GATD1: variants seen among roughly 807,000 people sequenced by gnomAD.
GATD1 encodes the protein glutamine amidotransferase class 1 domain containing 1, also known as glutamine amidotransferase-like class 1 domain-containing protein 1.
A neutral mutation model predicts 25.9 loss-of-function variants in GATD1; 23 were observed. The ratio of observed to expected loss-of-function variants is 0.89; its 90% CI spans 0.64 to 1.26. The LOEUF (loss-of-function observed/expected upper bound fraction) is 1.26, where lower values mean the gene tolerates loss of function less well. Among genes scored for constraint, GATD1 ranks in the 50% most tolerant of loss-of-function variants. The probability of loss-of-function intolerance (pLI) is 0.00; values close to 1 mark genes in which losing one functional copy is unlikely to be tolerated. For missense variants in GATD1, 347 were observed against 312.5 expected, an observed-to-expected ratio of 1.11 and a Z score of -0.83; for synonymous variants, 177 against 134.6, an observed-to-expected ratio of 1.31 and a Z score of -2.18.
At position 770,688 on chromosome 11, in the gene GATD1, T is replaced by G. The variant is rs1259684297; in HGVS notation, c.*209A>C. 2 of 1,427,422 alleles carry G rather than the reference T, an allele frequency of 1.4e-6. No homozygotes were observed. Among genetic ancestry groups the G allele is most frequent in the Non-Finnish European group, 1.8e-6 (2 of 1,094,658 alleles). The allele number at this position is 1,427,422 out of a possible 1,614,324, so 88.4% of individuals were successfully genotyped here. A position where few individuals can be genotyped will look rare whatever the true frequency, so the allele number is the denominator to read the frequency against. ...TTTCTCTGCCTCCTACCAGAGAACA[T>G]GCAGGAGGATGGGGGTTTGGACCCT... is the stretch of plus-strand genomic sequence containing the variant. On this transcript the variant is annotated 3_prime_UTR_variant, in exon 8 of 8. Transcript: ENST00000319863.
chr11:774,239 C>T, intron 2 of GATD1, 126 bp from the exon 3 acceptor site: 1 of 708,166 alleles, frequency 1.4e-6, no homozygotes, highest in Non-Finnish European at 2.3e-6. Flanking sequence ...CCCCCGACCA[C>T]CCAGCCTCCT....
rs927076848 is a variant in GATD1 at position 769,093 on chromosome 11, C to T, written c.*1804G>A. The stretch of plus-strand genomic sequence containing the variant: ...TCCAGCCTGGGTGACGAGAGACAAA[C>T]TCCATCTCAAAAAATAAATAAAATA... On this transcript the variant is annotated 3_prime_UTR_variant, in exon 8 of 8. Transcript: ENST00000319863. 20 of 946,152 alleles carry T rather than the reference C, an allele frequency of 2.1e-5. No individual in the cohort carries two copies. The African/African-American group carries it at 2.2e-4, about 10-fold the overall frequency. 58.6% of individuals were successfully genotyped at this position (946,152 alleles called of 1,614,324 possible).
intron 2 of GATD1, among the ~76,000 whole-genome samples, chr11:774,715 A>G (rs7952451): frequency 0.28 from 42,567 of 152,154 alleles, 6,981 homozygotes; most frequent in African/African-American, 0.47. Flanking sequence ...CTGTAATCCC[A>G]GCTACTCGGG....
intron 5 of GATD1, 105 bp downstream of exon 5, chr11:772,322 C>T (rs1590087988): frequency 2.6e-6 from 2 of 760,026 alleles, no homozygotes. Flanking sequence ...GCACAGCGTG[C>T]CTCGGCCTCC....
At chr11:774,964 T>C in intron 2 of GATD1, 102 bp downstream of exon 2, 1 of 1,060,108 alleles carries the variant, frequency 9.4e-7, no homozygotes, top group Non-Finnish European at 1.4e-6. Flanking sequence ...CTGCAGGGGC[T>C]CCCCACTCCT....
chr11:773,396 T>G (rs1863640014), intron 4 of GATD1, 126 bp downstream of exon 4: 1 of 769,084 alleles, frequency 1.3e-6, no homozygotes, highest in Admixed American at 2.8e-5. Flanking sequence ...ACCACTGCAG[T>G]GGCCACTGAC....
At chr11:774,215 C>T (rs1863738322) in intron 2 of GATD1, 102 bp from the exon 3 acceptor site, 4 of 989,776 alleles carry the variant, frequency 4.0e-6, no homozygotes, top group Non-Finnish European at 6.0e-6. Context: ...CAGCATCCCC[C>T]TGAGGCACAA....
In GATD1 at chr11:771,416, C is replaced by T. The variant is rs1414814886; in HGVS notation, c.461G>A (p.Cys154Tyr). ...DSYSLTGPSV[C>Y]ELVRAPGFAR... is the part of the protein sequence containing the mutation. ...GAAGCCGGGGGCCCTGACGAGCTCA[C>T]ACACAGAGGGCTGCGGGAGCGGGGT... Residue 154 changes from cysteine (C) to tyrosine (Y), a missense_variant, in exon 6 of 8, where the codon TGT becomes TAT. Physicochemically the swap from Cys to Tyr is radical, Grantham distance 194. Coordinates refer to ENST00000319863, the MANE Select transcript of GATD1 (RefSeq NM_182612.4). 1.3e-6 allele frequency: 2 copies of T among 1,542,218 alleles called. No homozygotes were observed. The highest frequency in any genetic ancestry group is 2.8e-5 in the African/African-American group (2 of 72,716).
chr11:775,152 G>T lies in GATD1; in HGVS notation c.65-10C>A. On this transcript the variant is annotated splice_polypyrimidine_tract_variant and intron_variant, in intron 1 of 7. Transcript: ENST00000319863. ...GACTGGGCCGACACACCTGCAGAAG[G>T]TCCCAGTGAGTGTGGGCTCGACAGG... 1 of 1,594,074 alleles carries T rather than the reference G, an allele frequency of 6.3e-7. No homozygotes were observed. The highest frequency in any genetic ancestry group is 1.7e-4 in the Middle Eastern group (1 of 6,004).
In GATD1 at chr11:770,567, G is replaced by A; in HGVS notation, c.*330C>T. ...GAGCCGACTCTGTCTAGTCAACAGT[G>A]ACCACACGTGACAACCAGTCCTCCC... On this transcript the variant is annotated 3_prime_UTR_variant, in exon 8 of 8. Transcript: ENST00000319863. 3 of 1,411,306 alleles carry A rather than the reference G, an allele frequency of 2.1e-6. No homozygotes were observed. The highest frequency in any genetic ancestry group is 2.5e-5 in the East Asian group (1 of 39,594). The allele number at this position is 1,411,306 out of a possible 1,614,324, so 87.4% of individuals were successfully genotyped here. A position where few individuals can be genotyped will look rare whatever the true frequency, so the allele number is the denominator to read the frequency against.
rs200809093 is a variant in GATD1 at position 771,099 on chromosome 11, C to T, written c.550G>A (p.Glu184Lys). ...KDSGACFSAS[E>K]PDAVHVVLDR... ...AGCACGACGTGGACAGCGTCAGGCT[C>T]GCTTGCTGGGGAGGACCGAGGGCAC... is the stretch of plus-strand genomic sequence containing the variant. The change falls in exon 7 of 8, where the codon GAG becomes AAG. Residue 184 changes from glutamate to lysine, a missense_variant. Coordinates refer to ENST00000319863, the MANE Select transcript of GATD1 (RefSeq NM_182612.4). 11 of 1,597,760 alleles carry T rather than the reference C, an allele frequency of 6.9e-6. No individual in the cohort carries two copies. The Admixed American group carries it at 7.0e-5, about 10-fold the overall frequency.
chr11:771,818 G>T lies in GATD1; in HGVS notation c.451-392C>A, dbSNP rs777435649. Among the ~76,000 whole-genome samples, 3 of 152,132 alleles carry T rather than the reference G, an allele frequency of 2.0e-5. No homozygotes were observed. The South Asian group carries it at 6.2e-4, about 31-fold the overall frequency. ...CCACTTGTAACCTGAGACTGGGTTGGTGTCACCCCTCGGAGGGCACCACTG... is the reference window on the plus strand; with the variant it reads ...CCACTTGTAACCTGAGACTGGGTTGTTGTCACCCCTCGGAGGGCACCACTG... On this transcript the variant is annotated intron_variant, in intron 5 of 7. Coordinates refer to ENST00000319863, the MANE Select transcript of GATD1 (RefSeq NM_182612.4).
intron 2 of GATD1, among the ~76,000 whole-genome samples, chr11:774,619 T>C (rs1590096229): frequency 6.6e-6 from 1 of 152,100 alleles, no homozygotes; most frequent in East Asian, 1.9e-4. Context: ...TCACCTGAGG[T>C]TGGGAGTTCG....
rs1565015221 is a variant in GATD1, at chr11:774,123, C to CAG, written c.142-12_142-11dup. ...ATTCCATGGCTTTCCCCTGGAGAAG[C>CAG]AGAGCCCAGGGGCCGAGGGTCAGCA... On this transcript the variant is annotated splice_polypyrimidine_tract_variant and intron_variant, in intron 2 of 7. Transcript: ENST00000319863. 1.9e-6 allele frequency: 3 copies of CAG among 1,610,038 alleles called. No homozygotes were observed. Among genetic ancestry groups the CAG allele is most frequent in the Middle Eastern group, 1.7e-4 (1 of 6,054 alleles).
chr11:776,731 C>T (rs1864020080), intron 1 of GATD1: 1 of 152,406 alleles, frequency 6.6e-6, no homozygotes, highest in Non-Finnish European at 1.5e-5. Context: ...CCAAAAGGCT[C>T]AGAACAAGGC....
chr11:775,365 C>A (rs747011829), intron 1 of GATD1, among the ~76,000 whole-genome samples: 1 of 152,248 alleles, frequency 6.6e-6, no homozygotes, highest in East Asian at 1.9e-4. Context: ...GGGGCACAGC[C>A]AGGTCTGCCA....
chr11:771,175 G>A (rs963109123), intron 6 of GATD1, 71 bp from the exon 7 acceptor site: 3 of 1,544,978 alleles, frequency 1.9e-6, no homozygotes, highest in Non-Finnish European at 2.6e-6. Context: ...AACTCCAGGC[G>A]GGCTCCCAGG....
At position 770,993 on chromosome 11, in the gene GATD1, C is replaced by A. The variant is rs370274220; in HGVS notation, c.656G>T (p.Arg219Leu). 6.2e-7 allele frequency: 1 copy of A among 1,613,302 alleles called. No homozygotes were observed. Among genetic ancestry groups the A allele is most frequent in the South Asian group, 1.1e-5 (1 of 91,078 alleles). The part of the protein sequence containing the change: ...VQNLLFLCGS[R>L]K The stretch of plus-strand genomic sequence containing the variant: ...AATGTGCCCACCCTGGTGCCCTCAC[C>A]GGCTGCCACAGAGGAAGAGCAGGTT... The change falls in exon 7 of 8, where the codon CGG (arginine) becomes CTG (leucine). Residue 219 changes from arginine (R) to leucine (L), a missense_variant and splice_region_variant. By Grantham distance (102) the Arg-to-Leu change is moderately radical. Coordinates refer to ENST00000319863, the MANE Select transcript of GATD1 (RefSeq NM_182612.4).
Position 773,607 on chromosome 11 carries a change from C to A in GATD1, c.270G>T (p.Leu90=). 2 of 1,608,828 alleles carry A rather than the reference C, an allele frequency of 1.2e-6. No individual in the cohort carries two copies. The highest frequency in any genetic ancestry group is 2.2e-5 in the South Asian group (2 of 90,592). ...SIDGARYHAL[L]IPSCPGALTD... is the part of the protein sequence containing the mutation. ...TCAGGGCCCCAGGACAGCTGGGGAT[C>A]AGGAGGGCATGGTACCGGGCACCTG... The change falls in exon 4 of 8, where the codon CTG becomes CTT. Residue 90 remains leucine (L), a synonymous_variant. Transcript: ENST00000319863.
Sources: allele counts gnomAD v4.1 joint callset (sites outside exome capture counted in the v4.1 genomes callset), GRCh38; gene constraint gnomAD v4.1.1; transcripts MANE v1.5; gene names NCBI Gene and HGNC (gene_info 2026-07-23, HGNC 2026-07-21).